Variants in KIF6 observed in about 807,000 individuals in gnomAD.
The protein encoded by KIF6 is kinesin-like protein KIF6.
A neutral mutation model predicts 112.7 loss-of-function variants in KIF6; 106 were observed. The observed-to-expected ratio is 0.94, with a 90% confidence interval of 0.80 to 1.11. The LOEUF (loss-of-function observed/expected upper bound fraction) is 1.11, where lower values mean the gene tolerates loss of function less well. KIF6 is among the 50% of genes least tolerant of loss of function. The pLI, the probability that KIF6 is intolerant of heterozygous loss-of-function variation, is 0.00. For synonymous variants in KIF6, 339 were observed against 339.9 expected (o/e 1.00, Z 0.03); for missense variants, 929 against 964.0 (o/e 0.96, Z 0.48).
chr6:39,563,883 G>A (rs1780147508), intron 10 of KIF6, among the ~76,000 whole-genome samples: 1 of 152,158 alleles, frequency 6.6e-6, no homozygotes, highest in African/African-American at 2.4e-5. Context: ...TACCAAAAAG[G>A]TTGGCCAAAA....
chr6:39,696,846 G>A (rs185871281), intron 3 of KIF6, among the ~76,000 whole-genome samples: 1 of 151,686 alleles, frequency 6.6e-6, no homozygotes, highest in South Asian at 2.1e-4. Context: ...CCTCATACAT[G>A]TTAGCTCTTT....
At chr6:39,437,297 A>G (rs1771592288) in intron 13 of KIF6, among the ~76,000 whole-genome samples, 1 of 152,180 alleles carries the variant, frequency 6.6e-6, no homozygotes, top group African/African-American at 2.4e-5. Flanking sequence ...TAGGTATAAG[A>G]TCATATCATT....
chr6:39,422,088 T>C (rs779222197), intron 14 of KIF6, among the ~76,000 whole-genome samples: 1 of 152,204 alleles, frequency 6.6e-6, no homozygotes, highest in Non-Finnish European at 1.5e-5. Context: ...CTGGAAGCTT[T>C]AGACTCTTCG....
chr6:39,403,484 C>T (rs955003739), intron 15 of KIF6, among the ~76,000 whole-genome samples: 4 of 152,176 alleles, frequency 2.6e-5, no homozygotes, highest in Non-Finnish European at 2.9e-5. Context: ...TCTTATTTAC[C>T]AGCAGTCTGC....
intron 10 of KIF6, among the ~76,000 whole-genome samples, chr6:39,548,887 C>T (rs769735797): frequency 4.1e-4 from 63 of 152,248 alleles, no homozygotes; most frequent in Non-Finnish European, 7.2e-4. Flanking sequence ...TTATTCTCTA[C>T]TTACACTAGA....
chr6:39,547,294 T>C lies in KIF6; in HGVS notation c.1182-1606A>G, dbSNP rs184272532. 3.9e-3 allele frequency among the ~76,000 whole-genome samples: 590 copies of C among 152,332 alleles called. 5 individuals are homozygous for C. The highest frequency in any genetic ancestry group is 0.014 in the African/African-American group (566 of 41,570). On this transcript the variant is annotated intron_variant, in intron 10 of 22. Transcript: ENST00000287152. ...CATGTGACAGCTATATATTTACAAGTGTGAGACAATTTATACCGTTACTTT... is the reference window on the plus strand; with the variant it reads ...CATGTGACAGCTATATATTTACAAGCGTGAGACAATTTATACCGTTACTTT...
chr6:39,662,418 T>C (rs1786206518), intron 3 of KIF6, among the ~76,000 whole-genome samples: 1 of 152,206 alleles, frequency 6.6e-6, no homozygotes, highest in Non-Finnish European at 1.5e-5. Flanking sequence ...AAATTAGAAT[T>C]GTAATTAATT....
intron 13 of KIF6, among the ~76,000 whole-genome samples, chr6:39,494,377 G>T (rs918420705): frequency 6.6e-6 from 1 of 152,140 alleles, no homozygotes; most frequent in Non-Finnish European, 1.5e-5. Context: ...AAAATTAAGG[G>T]TTTATTAAAC....
At position 39,596,249 on chromosome 6, in the gene KIF6, G is replaced by C; in HGVS notation, c.651C>G (p.Asn217Lys). The C allele has an allele frequency of 6.2e-7, 1 of 1,610,916 alleles. No individual in the cohort carries two copies. The highest frequency in any genetic ancestry group is 8.5e-7 in the Non-Finnish European group (1 of 1,178,640). The change falls in exon 7 of 23, where the codon AAC (asparagine) becomes AAG (lysine). Residue 217 changes from asparagine (N) to lysine (K), a missense_variant. By Grantham distance (94) the Asn-to-Lys change is moderately conservative. Around this residue, in one of 2 missense-constraint regions of KIF6, gnomAD observed 688 missense variants for 662.7 expected, o/e 1.04. Coordinates refer to ENST00000287152, the MANE Select transcript of KIF6 (RefSeq NM_145027.6). ...TGCAGTGGGAACGGGTTGAAGCTTGGTTCATAGGAGTCTATAAAAAAATTG... is the reference window on the plus strand; with the variant it reads ...TGCAGTGGGAACGGGTTGAAGCTTGCTTCATAGGAGTCTATAAAAAAATTG... Reference protein sequence around the residue: ...TNRMIAETPMNQASTRSHCIF... With the variant: ...TNRMIAETPMKQASTRSHCIF...
chr6:39,649,618 C>T (rs1561897120), intron 3 of KIF6, among the ~76,000 whole-genome samples: 1 of 151,966 alleles, frequency 6.6e-6, no homozygotes, highest in Non-Finnish European at 1.5e-5. Context: ...TCCATCTGGC[C>T]CTCACTAGTT....
chr6:39,603,800 A>G (rs1406832406), intron 6 of KIF6, among the ~76,000 whole-genome samples: 4 of 152,118 alleles, frequency 2.6e-5, no homozygotes, highest in African/African-American at 9.7e-5. Context: ...TAACCTCTGT[A>G]TATCATATTA....
intron 16 of KIF6, among the ~76,000 whole-genome samples, chr6:39,384,171 G>A (rs539240464): frequency 1.8e-4 from 27 of 152,196 alleles, no homozygotes; most frequent in South Asian, 8.3e-4. Flanking sequence ...GACTTCCTAC[G>A]TTGCTATTCC....
intron 13 of KIF6, among the ~76,000 whole-genome samples, chr6:39,463,771 T>A (rs534864953): frequency 6.6e-6 from 1 of 152,302 alleles, no homozygotes; most frequent in East Asian, 1.9e-4. Flanking sequence ...AAATAAAAAT[T>A]CCAAATCTTG....
chr6:39,620,177 C>T (rs1031581308), intron 5 of KIF6, among the ~76,000 whole-genome samples: 3 of 152,196 alleles, frequency 2.0e-5, no homozygotes, highest in African/African-American at 4.8e-5. Flanking sequence ...TCCAGGCTTA[C>T]AAATAACCCA....
intron 3 of KIF6, among the ~76,000 whole-genome samples, chr6:39,647,681 C>A (rs949094826): frequency 6.6e-6 from 1 of 151,718 alleles, no homozygotes; most frequent in Non-Finnish European, 1.5e-5. Flanking sequence ...ATGTCAGGAA[C>A]CTAGGTCAAA....
chr6:39,693,419 C>T (rs114060296), intron 3 of KIF6, among the ~76,000 whole-genome samples: 115 of 152,274 alleles, frequency 7.6e-4, no homozygotes, highest in African/African-American at 2.7e-3. Flanking sequence ...ATTACATTTC[C>T]CTGAGTCACT....
intron 3 of KIF6, among the ~76,000 whole-genome samples, chr6:39,697,199 T>C (rs1343864032): frequency 6.6e-6 from 1 of 152,162 alleles, no homozygotes; most frequent in African/African-American, 2.4e-5. Flanking sequence ...ATGGTGCAGA[T>C]AGGACTGACA....
At chr6:39,565,014 T>C (rs1780205566) in intron 10 of KIF6, among the ~76,000 whole-genome samples, 1 of 152,224 alleles carries the variant, frequency 6.6e-6, no homozygotes, top group Non-Finnish European at 1.5e-5. Flanking sequence ...TTTATCTGAA[T>C]GTCAGAGGGA....
At chr6:39,615,330 G>A (rs560094433) in intron 5 of KIF6, among the ~76,000 whole-genome samples, 14 of 152,284 alleles carry the variant, frequency 9.2e-5, no homozygotes, top group African/African-American at 2.9e-4. Flanking sequence ...TACTATTCTT[G>A]TGCAAGTTTG....
Sources: allele counts gnomAD v4.1 joint callset (sites outside exome capture counted in the v4.1 genomes callset), GRCh38; gene constraint gnomAD v4.1.1; regional missense constraint gnomAD v4.1.1; transcripts MANE v1.5; gene names NCBI Gene and HGNC (gene_info 2026-07-23, HGNC 2026-07-21).